The following TMEFF2 variants were observed in gnomAD, a reference collection of about 807,000 sequenced individuals.
TMEFF2 encodes the protein transmembrane protein with EGF like and two follistatin like domains 2, also known as tomoregulin-2.
Under a neutral mutation model 53.8 loss-of-function variants are expected in TMEFF2, and 28 were observed. The observed-to-expected ratio is 0.52, with a 90% confidence interval of 0.39 to 0.71. The LOEUF is 0.71. TMEFF2 is among the 30% of genes least tolerant of loss of function. The pLI is 0.00. For missense variants in TMEFF2, 353 were observed against 455.2 expected (o/e 0.78, Z 2.04); for synonymous variants, 162 against 166.3 (o/e 0.97, Z 0.20).
chr2:192,007,150 TTA>T, intron 5 of TMEFF2, among the ~76,000 whole-genome samples: 1 of 152,338 alleles, frequency 6.6e-6, no homozygotes, highest in Admixed American at 6.5e-5. Flanking sequence ...ATATTCTTGT[TTA>T]ATGTACACTA....
At chr2:192,038,051 A>T (rs2105882308) in intron 5 of TMEFF2, 1 of 152,306 alleles carries the variant, frequency 6.6e-6, no homozygotes, top group East Asian at 1.9e-4. Flanking sequence ...ATTAAATAAG[A>T]TGGTGCACAT....
At chr2:191,989,144 C>T (rs1686047257) in intron 7 of TMEFF2, among the ~76,000 whole-genome samples, 1 of 152,158 alleles carries the variant, frequency 6.6e-6, no homozygotes, top group Non-Finnish European at 1.5e-5. Flanking sequence ...GAGATATATA[C>T]TAAAATGGTC....
At chr2:192,169,474 G>T (rs56098521) in intron 4 of TMEFF2, among the ~76,000 whole-genome samples, 2,058 of 152,146 alleles carry the variant, frequency 0.014, 19 homozygotes, top group Non-Finnish European at 0.02. Flanking sequence ...CAGTTCTGGT[G>T]GTCTTTGTAT....
chr2:191,964,390 CTTTCTTTCTCTTTCTT>C lies in TMEFF2; in HGVS notation c.746-8028_746-8013del, dbSNP rs1373534304. Among the ~76,000 whole-genome samples the C allele has an allele frequency of 2.3e-3, 75 of 32,896 alleles. No individual in the cohort carries two copies. In the East Asian group the frequency reaches 0.092, roughly 40 times the overall value. 21.6% of individuals were successfully genotyped at this position (32,896 alleles called of 152,430 possible). On this transcript the variant is annotated intron_variant, in intron 7 of 9. Transcript: ENST00000272771. ...TTTCTTTCTCTTTCTTTCTTTCTTT[CTTTCTTTCTCTTTCTT>C]TCTTTCTTTCTTTCTTTCTTTCTTT...
chr2:192,035,126 C>A (rs963877093), intron 5 of TMEFF2: 7 of 152,162 alleles, frequency 4.6e-5, no homozygotes, highest in Non-Finnish European at 1.0e-4. Flanking sequence ...GTTGCAGTAA[C>A]AAACACCCTC....
chr2:192,099,448 A>T (rs563312469), intron 4 of TMEFF2, among the ~76,000 whole-genome samples: 4 of 152,244 alleles, frequency 2.6e-5, no homozygotes, highest in South Asian at 4.2e-4. Flanking sequence ...TTCAAGCCAG[A>T]CACTTTTGCA....
intron 4 of TMEFF2, among the ~76,000 whole-genome samples, chr2:192,089,806 A>G (rs1367801462): frequency 6.6e-6 from 1 of 152,200 alleles, no homozygotes; most frequent in East Asian, 1.9e-4. Context: ...ACTTTACAGA[A>G]TTGCTGAGAA....
chr2:192,117,077 TA>T (rs1381557534), intron 4 of TMEFF2, among the ~76,000 whole-genome samples: 3 of 152,160 alleles, frequency 2.0e-5, no homozygotes, highest in African/African-American at 7.2e-5. Context: ...TTTGACCAAT[TA>T]TTTTCTTGAC....
chr2:192,088,449 C>T (rs918199178), intron 4 of TMEFF2, among the ~76,000 whole-genome samples: 1 of 152,084 alleles, frequency 6.6e-6, no homozygotes, highest in Non-Finnish European at 1.5e-5. Flanking sequence ...GCAAAGAGGG[C>T]CGGGTGTCAC....
chr2:192,187,390 A>G (rs868046138), intron 2 of TMEFF2, among the ~76,000 whole-genome samples: 4 of 152,254 alleles, frequency 2.6e-5, no homozygotes, highest in African/African-American at 9.6e-5. Context: ...TAACTAGTAG[A>G]GTTATCATCT....
At chr2:192,069,391 T>G (rs62180365) in intron 4 of TMEFF2, among the ~76,000 whole-genome samples, 65,201 of 150,678 alleles carry the variant, frequency 0.43, 15,143 homozygotes, top group East Asian at 0.55. Context: ...TTTTAAATCA[T>G]CACACACAAA....
chr2:192,170,897 C>T (rs1032861580), intron 4 of TMEFF2, among the ~76,000 whole-genome samples: 13 of 151,782 alleles, frequency 8.6e-5, no homozygotes, highest in Admixed American at 3.3e-4. Context: ...TTTTAAAATC[C>T]CAAAGCTGTA....
chr2:192,003,865 T>C (rs1265418969), intron 5 of TMEFF2, among the ~76,000 whole-genome samples: 1 of 151,282 alleles, frequency 6.6e-6, no homozygotes, highest in Admixed American at 6.6e-5. Flanking sequence ...TGGGGAAGTT[T>C]ACATTCATGG....
At chr2:192,065,940 TGTGA>T (rs1287495528) in intron 4 of TMEFF2, among the ~76,000 whole-genome samples, 1 of 151,746 alleles carries the variant, frequency 6.6e-6, no homozygotes, top group Admixed American at 6.6e-5. Flanking sequence ...TTCTCCCACA[TGTGA>T]GTAAGTTGTA....
rs1217323563 is a variant in TMEFF2, at chr2:192,194,172, C to A, written c.172+181G>T. On this transcript the variant is annotated intron_variant, in intron 1 of 9. Coordinates refer to ENST00000272771, the MANE Select transcript of TMEFF2 (RefSeq NM_016192.4). This position sits in a 1 kb window ranked among gnomAD's most constrained non-coding sequence, Gnocchi z 4.2. ...CACTTTCTGCCCATCCCAGAACCAC[C>A]CCTCACCCCCGGGCCTGCAACAGTT... Among the ~76,000 whole-genome samples, 1 of 152,132 alleles carries A rather than the reference C, an allele frequency of 6.6e-6. No individual in the cohort carries two copies. The highest frequency in any genetic ancestry group is 1.5e-5 in the Non-Finnish European group (1 of 68,022).
intron 5 of TMEFF2, chr2:192,037,269 A>AAAAGAAAG (rs1440087652): frequency 0.036 from 2,601 of 72,430 alleles, 160 homozygotes; most frequent in East Asian, 0.09. Context: ...AAGACTAGCC[A>AAAAGAAAG]AAATAAAGAA....
chr2:192,119,682 G>A (rs1689501829), intron 4 of TMEFF2, among the ~76,000 whole-genome samples: 3 of 152,160 alleles, frequency 2.0e-5, no homozygotes, highest in Admixed American at 6.5e-5. Context: ...TGTGAGAATG[G>A]AGGTTTCATT....
chr2:191,994,200 T>C (rs1264105634), intron 7 of TMEFF2, among the ~76,000 whole-genome samples: 2 of 152,026 alleles, frequency 1.3e-5, no homozygotes, highest in Non-Finnish European at 2.9e-5. Context: ...TTAACAATTC[T>C]GATTTTATGT....
At chr2:192,187,454 G>T (rs7425232) in intron 2 of TMEFF2, among the ~76,000 whole-genome samples, 11,532 of 152,170 alleles carry the variant, frequency 0.076, 539 homozygotes, top group South Asian at 0.1. Flanking sequence ...AGAGGAAACA[G>T]GCTAACCCTA....
Sources: gnomAD v4.1 joint callset for allele counts (sites outside exome capture counted in the v4.1 genomes callset) on GRCh38, gnomAD v4.1.1 for gene constraint, Gnocchi (gnomAD v3.1) non-coding constraint, MANE v1.5 for transcripts, NCBI Gene and HGNC (gene_info 2026-07-23, HGNC 2026-07-21) for gene names.